Variants in SMYD3 observed in about 807,000 individuals in gnomAD.
The protein encoded by SMYD3 is histone-lysine N-methyltransferase SMYD3.
In SMYD3, 36 loss-of-function variants were observed where a neutral mutation model predicts 57.7. The observed-to-expected ratio is 0.62, with a 90% CI of 0.48 to 0.82. The LOEUF (loss-of-function observed/expected upper bound fraction) is 0.82. SMYD3 is among the 40% of genes least tolerant of loss of function. The pLI, the probability that SMYD3 is intolerant of heterozygous loss-of-function variation, is 0.00. For missense variants in SMYD3, 515 were observed against 538.8 expected, an observed-to-expected ratio of 0.96 and a Z score of 0.44; for synonymous variants, 211 against 195.0, an observed-to-expected ratio of 1.08 and a Z score of -0.68.
At chr1:245,848,937 C>A (rs759242447) in intron 10 of SMYD3, among the ~76,000 whole-genome samples, 6 of 151,560 alleles carry the variant, frequency 4.0e-5, no homozygotes, top group Non-Finnish European at 7.4e-5. Flanking sequence ...GGAGGATAGG[C>A]CAGACAGAAA....
At chr1:246,065,698 AT>A (rs1211982013) in intron 5 of SMYD3, among the ~76,000 whole-genome samples, 3 of 152,226 alleles carry the variant, frequency 2.0e-5, no homozygotes, top group Non-Finnish European at 4.4e-5. Context: ...CACACCAGAA[AT>A]TATTAGCACT....
rs2065530257 is a variant in SMYD3, at chr1:246,335,584, A to G, written c.229-110T>C. On this transcript the variant is annotated intron_variant, in intron 2 of 11. Coordinates refer to ENST00000490107, the MANE Select transcript of SMYD3 (RefSeq NM_001167740.2). Reference sequence around the variant, plus strand: ...CATTAAATTTTAATAGTCCAAATGTAACTGCACAATAGAAAATAAAAGCAA... The same window carrying G: ...CATTAAATTTTAATAGTCCAAATGTGACTGCACAATAGAAAATAAAAGCAA... The G allele has an allele frequency of 1.6e-5, 13 of 792,046 alleles. No homozygotes were observed. The East Asian group carries it at 3.2e-4, about 20-fold the overall frequency. The allele number at this position is 792,046 out of a possible 1,614,324, so 49.1% of individuals were successfully genotyped here. A position where few individuals can be genotyped will look rare whatever the true frequency, so the allele number is the denominator to read the frequency against.
intron 5 of SMYD3, among the ~76,000 whole-genome samples, chr1:246,207,804 T>C (rs1295193921): frequency 3.3e-5 from 5 of 152,174 alleles, no homozygotes; most frequent in East Asian, 1.9e-4. Flanking sequence ...ATTTTAGATT[T>C]GCTTTTGGGG....
At chr1:245,973,683 T>C (rs941534212) in intron 5 of SMYD3, among the ~76,000 whole-genome samples, 1 of 152,136 alleles carries the variant, frequency 6.6e-6, no homozygotes, top group Non-Finnish European at 1.5e-5. Flanking sequence ...CCAGACACTG[T>C]CCAAGGAGCA....
intron 5 of SMYD3, among the ~76,000 whole-genome samples, chr1:246,312,043 A>G (rs2065089367): frequency 6.6e-6 from 1 of 152,192 alleles, no homozygotes. Flanking sequence ...CAAGCCATGG[A>G]GGAAAAGCAT....
intron 1 of SMYD3, among the ~76,000 whole-genome samples, chr1:246,433,937 A>G (rs574601158): frequency 2.5e-4 from 38 of 152,290 alleles, no homozygotes; most frequent in African/African-American, 8.9e-4. Flanking sequence ...ACATAGACCA[A>G]TGGAGTACAG....
At chr1:246,146,653 G>A (rs183318248) in intron 5 of SMYD3, among the ~76,000 whole-genome samples, 45 of 152,282 alleles carry the variant, frequency 3.0e-4, no homozygotes, top group African/African-American at 9.4e-4. Context: ...GAAGCGGAGT[G>A]TGGAGAACCA....
chr1:245,864,209 A>C (rs1420365748), intron 8 of SMYD3, among the ~76,000 whole-genome samples: 1 of 152,232 alleles, frequency 6.6e-6, no homozygotes, highest in Admixed American at 6.5e-5. Flanking sequence ...TTAAACGTAG[A>C]GTTTTCATGT....
intron 10 of SMYD3, among the ~76,000 whole-genome samples, chr1:245,803,863 A>G (rs1470891713): frequency 1.3e-5 from 2 of 151,894 alleles, no homozygotes; most frequent in African/African-American, 2.4e-5. Flanking sequence ...CCTGGATCCA[A>G]CCAGGCTTGA....
At chr1:246,403,285 G>T (rs969645732) in intron 1 of SMYD3, among the ~76,000 whole-genome samples, 10 of 152,018 alleles carry the variant, frequency 6.6e-5, no homozygotes, top group African/African-American at 2.2e-4. Flanking sequence ...CTTTAGGCCA[G>T]GAGTTTGAGA....
At chr1:246,290,399 T>C (rs6426294) in intron 5 of SMYD3, among the ~76,000 whole-genome samples, 67,341 of 151,982 alleles carry the variant, frequency 0.44, 15,816 homozygotes, top group East Asian at 0.82. Context: ...AGGGAAGAGA[T>C]ATATGGTTAA....
chr1:245,949,379 G>C (rs1351114885), intron 5 of SMYD3, among the ~76,000 whole-genome samples: 1 of 152,136 alleles, frequency 6.6e-6, no homozygotes. Flanking sequence ...TTTCACTGCA[G>C]CTTCTGCTAA....
At chr1:245,800,137 C>A (rs1369233951) in intron 10 of SMYD3, among the ~76,000 whole-genome samples, 1 of 152,128 alleles carries the variant, frequency 6.6e-6, no homozygotes, top group Non-Finnish European at 1.5e-5. Flanking sequence ...AGCTGTTGTG[C>A]AGGTTCTTGA....
chr1:245,854,247 T>C (rs981409847), intron 10 of SMYD3, among the ~76,000 whole-genome samples: 14 of 152,152 alleles, frequency 9.2e-5, no homozygotes, highest in African/African-American at 3.4e-4. Context: ...TTTTAGTGTG[T>C]GTGGTGGGGG....
intron 1 of SMYD3, chr1:246,483,502 G>A (rs922756519): frequency 1.3e-5 from 2 of 152,072 alleles, no homozygotes; most frequent in South Asian, 2.1e-4. Context: ...ACTGTTTTAC[G>A]CAAATACAAA....
chr1:246,260,158 G>A (rs138842326), intron 5 of SMYD3, among the ~76,000 whole-genome samples: 1 of 152,298 alleles, frequency 6.6e-6, no homozygotes, highest in East Asian at 1.9e-4. Context: ...AAGTAAGCTT[G>A]TGCTCCAAAT....
chr1:245,969,732 A>C (rs1485433408), intron 5 of SMYD3, among the ~76,000 whole-genome samples: 1 of 152,242 alleles, frequency 6.6e-6, no homozygotes, highest in African/African-American at 2.4e-5. Flanking sequence ...TTTGAAATTC[A>C]AACTACATTA....
intron 5 of SMYD3, among the ~76,000 whole-genome samples, chr1:246,043,392 G>C (rs1223303909): frequency 6.6e-6 from 1 of 152,140 alleles, no homozygotes; most frequent in African/African-American, 2.4e-5. Context: ...CAGACATTCA[G>C]AAAGATCCAA....
chr1:246,292,478 T>C (rs1197653), intron 5 of SMYD3, among the ~76,000 whole-genome samples: 1 of 150,644 alleles, frequency 6.6e-6, no homozygotes, highest in African/African-American at 2.4e-5. Flanking sequence ...TACTATCCAA[T>C]ACACCAGTAC....
Sources: allele counts gnomAD v4.1 joint callset (sites outside exome capture counted in the v4.1 genomes callset), GRCh38; gene constraint gnomAD v4.1.1; transcripts MANE v1.5; gene names NCBI Gene and HGNC (gene_info 2026-07-23, HGNC 2026-07-21).